CLTA: variants seen among roughly 807,000 people sequenced by gnomAD.
CLTA encodes clathrin light chain A, also known as clathrin, light polypeptide (Lca).
Under a neutral mutation model 26.9 loss-of-function variants are expected in CLTA, and 9 were observed. The ratio of observed to expected loss-of-function variants is 0.33; its 90% CI spans 0.20 to 0.58. The LOEUF (loss-of-function observed/expected upper bound fraction) is 0.58. Among genes scored for constraint, CLTA ranks in the 20% least tolerant of loss-of-function variants. The pLI, the probability that CLTA is intolerant of heterozygous loss-of-function variation, is 0.85. For synonymous variants in CLTA, 120 were observed against 115.5 expected (o/e 1.04, Z -0.25); for missense variants, 278 against 294.2 (o/e 0.94, Z 0.40).
chr9:36,205,354 C>T lies in CLTA; in HGVS notation c.485+1175C>T, dbSNP rs138648957. On this transcript the variant is annotated intron_variant, in intron 4 of 4. Transcript: ENST00000345519. ...CAGTGGTGATGGCTTCCATCAGCTA[C>T]GTGGGGCTGTTGTTGAGCCTGTGGT... Among the ~76,000 whole-genome samples the T allele has an allele frequency of 6.6e-5, 10 of 152,170 alleles. No individual in the cohort carries two copies. In the East Asian group the frequency reaches 1.9e-3, roughly 29 times the overall value.
In CLTA at chr9:36,201,559, T is replaced by A. The variant is rs1587227149; in HGVS notation, c.373+2463T>A. On this transcript the variant is annotated intron_variant, in intron 3 of 4. Coordinates refer to ENST00000345519, the MANE Select transcript of CLTA (RefSeq NM_001833.4). ...TCAGGAGGTCACCATTTTTATTTAA[T>A]TTCATTTTTCAGAGATAAATTTTAT... Among the ~76,000 whole-genome samples the A allele has an allele frequency of 3.9e-5, 6 of 152,250 alleles. No individual in the cohort carries two copies. The South Asian group carries it at 1.2e-3, about 31-fold the overall frequency.
intron 4 of CLTA, among the ~76,000 whole-genome samples, chr9:36,206,249 C>T (rs1276139947): frequency 6.6e-6 from 1 of 152,172 alleles, no homozygotes; most frequent in Non-Finnish European, 1.5e-5. Context: ...GCTTAGGAAG[C>T]AGGTCACTTG....
Position 36,191,182 on chromosome 9 carries a change from G to C in CLTA, c.126G>C (p.Glu42Asp). The change falls in exon 1 of 5, where the codon GAG becomes GAC. Residue 42 changes from glutamate to aspartate, a missense_variant. Physicochemically the swap from Glu to Asp is conservative, Grantham distance 45 (BLOSUM62 2). Coordinates refer to ENST00000345519, the MANE Select transcript of CLTA (RefSeq NM_001833.4). ...AAAFLAQQES[E>D]IAGIENDEAF... Reference sequence around the variant, plus strand: ...CCTTCTTGGCGCAGCAAGAGAGCGAGATTGCGGGCATCGAGAACGACGAGG... The same window carrying C: ...CCTTCTTGGCGCAGCAAGAGAGCGACATTGCGGGCATCGAGAACGACGAGG... The C allele has an allele frequency of 6.3e-7, 1 of 1,590,768 alleles. No homozygotes were observed. The highest frequency in any genetic ancestry group is 8.5e-7 in the Non-Finnish European group (1 of 1,171,122).
chr9:36,195,996 C>T (rs2132866200), intron 1 of CLTA, among the ~76,000 whole-genome samples: 1 of 151,880 alleles, frequency 6.6e-6, no homozygotes, highest in Middle Eastern at 3.4e-3. Context: ...CATATCCTGG[C>T]TGGGCGCAGT....
At chr9:36,197,250 C>A (rs899209127) in intron 1 of CLTA, among the ~76,000 whole-genome samples, 7 of 152,028 alleles carry the variant, frequency 4.6e-5, no homozygotes, top group African/African-American at 1.5e-4. Flanking sequence ...GCAGAATTTT[C>A]ATAGAGAAAC....
intron 4 of CLTA, among the ~76,000 whole-genome samples, chr9:36,204,562 C>T (rs1298595864): frequency 1.3e-5 from 2 of 152,136 alleles, no homozygotes; most frequent in African/African-American, 4.8e-5. Flanking sequence ...CAATATAGCC[C>T]TGCCCCCTGA....
rs1397696056 is a variant in CLTA, at chr9:36,190,977, C to T, written c.-80C>T. ...CCTCCTCTCCCAGTCGGCACCACAG[C>T]GGTGGCTGCCGGGCGTGGTGTCGGT... On this transcript the variant is annotated 5_prime_UTR_variant, in exon 1 of 5. Transcript: ENST00000345519. 21 of 1,457,322 alleles carry T rather than the reference C, an allele frequency of 1.4e-5. No homozygotes were observed. In the South Asian group the frequency reaches 2.2e-4, roughly 15 times the overall value. The allele number at this position is 1,457,322 out of a possible 1,614,324, so 90.3% of individuals were successfully genotyped here.
In CLTA at chr9:36,199,035, G is replaced by A. The variant is rs112232732; in HGVS notation, c.312G>A (p.Gln104=). ...YAAISQVDRL[Q]SEPESIRKWR... ...CTATTTCACAAGTGGATCGATTGCAGTCAGAGCCTGAAAGTATCCGTAAAT... is the reference window on the plus strand; with the variant it reads ...CTATTTCACAAGTGGATCGATTGCAATCAGAGCCTGAAAGTATCCGTAAAT... Residue 104 remains glutamine, a synonymous_variant, in exon 3 of 5, where the codon CAG becomes CAA. Transcript: ENST00000345519. The A allele has an allele frequency of 5.8e-5, 93 of 1,613,976 alleles. No individual in the cohort carries two copies. The highest frequency in any genetic ancestry group is 1.6e-4 in the Middle Eastern group (1 of 6,080).
intron 4 of CLTA, among the ~76,000 whole-genome samples, chr9:36,205,766 T>G (rs1003133701): frequency 8.9e-5 from 13 of 146,726 alleles, no homozygotes; most frequent in South Asian, 4.5e-4. Flanking sequence ...TTTTTTTTTT[T>G]TTTTTTTTTT....
At chr9:36,200,454 C>A (rs919110474) in intron 3 of CLTA, among the ~76,000 whole-genome samples, 2 of 152,198 alleles carry the variant, frequency 1.3e-5, no homozygotes, top group African/African-American at 4.8e-5. Flanking sequence ...GTAACCACAA[C>A]GTCAGCAGTA....
chr9:36,192,960 T>C (rs1168899466), intron 1 of CLTA, among the ~76,000 whole-genome samples: 1 of 152,224 alleles, frequency 6.6e-6, no homozygotes, highest in East Asian at 1.9e-4. Context: ...TGCCTAGCAG[T>C]GTGTCTGACA....
intron 1 of CLTA, among the ~76,000 whole-genome samples, chr9:36,195,603 G>A (rs187936901): frequency 5.6e-4 from 85 of 152,282 alleles, no homozygotes; most frequent in Admixed American, 1.5e-3. Flanking sequence ...TGGGGCACTT[G>A]TGCTGCTAGT....
chr9:36,210,366 A>G (rs1413445658), intron 4 of CLTA, among the ~76,000 whole-genome samples: 6 of 152,048 alleles, frequency 3.9e-5, no homozygotes, highest in Admixed American at 3.3e-4. Context: ...TTGCAGTGAG[A>G]CTTGTGAAAT....
intron 1 of CLTA, among the ~76,000 whole-genome samples, chr9:36,193,184 A>T (rs573986106): frequency 2.0e-5 from 3 of 152,208 alleles, no homozygotes; most frequent in African/African-American, 7.2e-5. Context: ...TTCTTAGTGA[A>T]CTAAGCATTT....
chr9:36,198,117 C>T (rs1012417995), intron 2 of CLTA, among the ~76,000 whole-genome samples: 10 of 151,250 alleles, frequency 6.6e-5, no homozygotes, highest in African/African-American at 2.2e-4. Flanking sequence ...CCACTTCAGC[C>T]TCCTGAGTAG....
chr9:36,193,157 A>AGTTCC (rs1397405952), intron 1 of CLTA, among the ~76,000 whole-genome samples: 2 of 152,190 alleles, frequency 1.3e-5, no homozygotes, highest in African/African-American at 4.8e-5. Flanking sequence ...TTGCTGACTT[A>AGTTCC]GTTCCTAGGA....
chr9:36,195,323 T>TA (rs1264337297), intron 1 of CLTA, among the ~76,000 whole-genome samples: 1 of 152,148 alleles, frequency 6.6e-6, no homozygotes, highest in Non-Finnish European at 1.5e-5. Flanking sequence ...AAGTGTTAAA[T>TA]ACCATAAACC....
intron 2 of CLTA, among the ~76,000 whole-genome samples, chr9:36,198,297 CA>C (rs906272888): frequency 2.2e-4 from 33 of 152,032 alleles, no homozygotes; most frequent in African/African-American, 8.0e-4. Context: ...CGCACCCCGC[CA>C]GAGCCACCGC....
intron 1 of CLTA, among the ~76,000 whole-genome samples, chr9:36,194,636 A>G (rs1241160952): frequency 1.3e-5 from 2 of 152,270 alleles, no homozygotes; most frequent in East Asian, 1.9e-4. Flanking sequence ...TTGACTTCAA[A>G]TGTTTCTGGA....
Sources: gnomAD v4.1 joint callset for allele counts (sites outside exome capture counted in the v4.1 genomes callset) on GRCh38, gnomAD v4.1.1 for gene constraint, MANE v1.5 for transcripts, NCBI Gene and HGNC (gene_info 2026-07-23, HGNC 2026-07-21) for gene names.